Variants in TBC1D14 observed in about 807,000 individuals in gnomAD.
TBC1D14 encodes the protein TBC1 domain family member 14.
A neutral mutation model predicts 79.0 loss-of-function variants in TBC1D14; 26 were observed. The ratio of observed to expected loss-of-function variants is 0.33; its 90% confidence interval spans 0.24 to 0.46. The LOEUF (loss-of-function observed/expected upper bound fraction) is 0.46. Ranked by LOEUF, TBC1D14 falls within the 20% of genes least tolerant of loss-of-function variation. The pLI is 1.00. For synonymous variants in TBC1D14, 394 were observed against 349.9 expected, an observed-to-expected ratio of 1.13 and a Z score of -1.40; for missense variants, 769 against 887.6, an observed-to-expected ratio of 0.87 and a Z score of 1.70.
intron 12 of TBC1D14, among the ~76,000 whole-genome samples, chr4:7,019,899 G>A (rs1240176411): frequency 2.2e-5 from 2 of 89,804 alleles, no homozygotes; most frequent in South Asian, 4.9e-4. Context: ...ACAGAGGTGG[G>A]TATGTGAACC....
At position 6,923,672 on chromosome 4, in the gene TBC1D14, C is replaced by T; in HGVS notation, c.283C>T (p.Leu95Phe). 1.2e-6 allele frequency: 2 copies of T among 1,613,822 alleles called. No individual in the cohort carries two copies. Among genetic ancestry groups the T allele is most frequent in the Non-Finnish European group, 1.7e-6 (2 of 1,180,030 alleles). ...HVRRKQSDSD[L>F]IPERAFQSAC... is the part of the protein sequence containing the mutation. ...GAGGAGGAAGCAGTCCGACTCCGAC[C>T]TCATCCCCGAGCGGGCCTTCCAGAG... Residue 95 changes from leucine to phenylalanine, a missense_variant, in exon 2 of 14, where the codon CTC becomes TTC. Around this residue, in one of 2 missense-constraint regions of TBC1D14, gnomAD observed 402 missense variants for 393.2 expected, o/e 1.02. Transcript: ENST00000409757.
At chr4:6,960,203 T>C (rs1292069912) in intron 2 of TBC1D14, among the ~76,000 whole-genome samples, 2 of 151,342 alleles carry the variant, frequency 1.3e-5, no homozygotes, top group Non-Finnish European at 2.9e-5. Context: ...CACCTTAGTC[T>C]ACCAAGTAGC....
intron 2 of TBC1D14, among the ~76,000 whole-genome samples, chr4:6,929,886 G>A (rs904175078): frequency 6.6e-6 from 1 of 152,212 alleles, no homozygotes; most frequent in African/African-American, 2.4e-5. Context: ...GCATTTCACA[G>A]CTCACTGGAG....
At chr4:6,937,366 G>A (rs1220217293) in intron 2 of TBC1D14, among the ~76,000 whole-genome samples, 1 of 152,158 alleles carries the variant, frequency 6.6e-6, no homozygotes, top group African/African-American at 2.4e-5. Context: ...TTTTTTATAA[G>A]GGCACTAATC....
At chr4:7,007,176 G>A (rs1720285721) in intron 9 of TBC1D14, among the ~76,000 whole-genome samples, 1 of 152,216 alleles carries the variant, frequency 6.6e-6, no homozygotes, top group Admixed American at 6.5e-5. Context: ...GGCAGCCTGG[G>A]TGGGTGGCCA....
At chr4:6,990,629 A>T (rs1360851221) in intron 3 of TBC1D14, among the ~76,000 whole-genome samples, 1 of 152,188 alleles carries the variant, frequency 6.6e-6, no homozygotes, top group Non-Finnish European at 1.5e-5. Context: ...CTTGGGAATG[A>T]TGAGTTGGAC....
At chr4:6,956,718 G>C (rs192508300) in intron 2 of TBC1D14, among the ~76,000 whole-genome samples, 2 of 152,366 alleles carry the variant, frequency 1.3e-5, no homozygotes, top group African/African-American at 4.8e-5. Context: ...TCACTTCTCA[G>C]CCAATGCAGG....
chr4:7,023,742 C>T (rs941728813), intron 12 of TBC1D14, among the ~76,000 whole-genome samples: 13 of 152,156 alleles, frequency 8.5e-5, no homozygotes, highest in African/African-American at 1.9e-4. Flanking sequence ...TCCTGAGGCG[C>T]GGTTCTGTCA....
At chr4:6,973,517 A>G (rs1011611443) in intron 3 of TBC1D14, among the ~76,000 whole-genome samples, 1 of 152,206 alleles carries the variant, frequency 6.6e-6, no homozygotes, top group Admixed American at 6.5e-5. Context: ...GTGTCACCCA[A>G]TGAATGCAGA....
At position 7,025,126 on chromosome 4, in the gene TBC1D14, A is replaced by G; in HGVS notation, c.1880A>G (p.Glu627Gly). Residue 627 changes from glutamate (E) to glycine (G), a missense_variant, in exon 13 of 14, where the codon GAG becomes GGG. Physicochemically the swap from Glu to Gly is moderately conservative, Grantham distance 98. Transcript: ENST00000409757. ...GCCCTGGGCATCCTGAAGCTGTTCG[A>G]GGACATCCTGACCAAGATGGACTTC... Reference protein sequence around the residue: ...RTALGILKLFEDILTKMDFIH... With the variant: ...RTALGILKLFGDILTKMDFIH... 6.2e-7 allele frequency: 1 copy of G among 1,614,232 alleles called. No homozygotes were observed. Among genetic ancestry groups the G allele is most frequent in the South Asian group, 1.1e-5 (1 of 91,088 alleles).
At chr4:6,985,553 A>G (rs1717745330) in intron 3 of TBC1D14, among the ~76,000 whole-genome samples, 1 of 152,338 alleles carries the variant, frequency 6.6e-6, no homozygotes, top group African/African-American at 2.4e-5. Context: ...CTAGAGTAAG[A>G]TGGCTAGGTT....
intron 5 of TBC1D14, among the ~76,000 whole-genome samples, chr4:6,997,633 AAT>A (rs1201534940): frequency 4.6e-5 from 7 of 152,346 alleles, no homozygotes; most frequent in African/African-American, 1.7e-4. Context: ...CTCAAAAAAA[AAT>A]AATAAAAATA....
intron 2 of TBC1D14, among the ~76,000 whole-genome samples, chr4:6,930,545 C>G (rs1455341602): frequency 6.6e-6 from 1 of 152,214 alleles, no homozygotes; most frequent in East Asian, 1.9e-4. Flanking sequence ...CGCCTGTAAT[C>G]CCAGCACTTT....
intron 1 of TBC1D14, among the ~76,000 whole-genome samples, chr4:6,917,738 T>C (rs1373572788): frequency 2.0e-5 from 3 of 152,192 alleles, no homozygotes; most frequent in Non-Finnish European, 4.4e-5. Flanking sequence ...CCATCTGCAG[T>C]TGGTCGGTCT....
intron 2 of TBC1D14, among the ~76,000 whole-genome samples, chr4:6,936,784 C>T (rs762252756): frequency 2.0e-5 from 3 of 152,200 alleles, no homozygotes; most frequent in Admixed American, 6.5e-5. Context: ...TCCTCCCCAG[C>T]GTTTGCTGTT....
In TBC1D14 at chr4:7,004,557, A is replaced by G. The variant is rs190060576; in HGVS notation, c.1271-287A>G. Among the ~76,000 whole-genome samples, 267 of 152,350 alleles carry G rather than the reference A, an allele frequency of 1.8e-3. 1 individual carries two copies. The highest frequency in any genetic ancestry group is 6.3e-3 in the African/African-American group (260 of 41,576). On this transcript the variant is annotated intron_variant, in intron 7 of 13. Coordinates refer to ENST00000409757, the MANE Select transcript of TBC1D14 (RefSeq NM_020773.3). ...AGGGATCTTGCGGTCTGGGAGAGGC[A>G]GTAGACAAGTCACAAAGACCAAAAC... is the stretch of plus-strand genomic sequence containing the variant.
intron 3 of TBC1D14, among the ~76,000 whole-genome samples, chr4:6,991,263 A>T (rs1273258539): frequency 6.6e-6 from 1 of 152,224 alleles, no homozygotes; most frequent in Non-Finnish European, 1.5e-5. Flanking sequence ...TGTGAAAACT[A>T]CTGAGACTGA....
intron 1 of TBC1D14, among the ~76,000 whole-genome samples, chr4:6,912,762 T>C (rs1723105923): frequency 6.6e-6 from 1 of 152,174 alleles, no homozygotes; most frequent in Non-Finnish European, 1.5e-5. Flanking sequence ...TTTAAGGGCT[T>C]TATGTGGATT....
At chr4:6,996,062 T>G (rs1719011126) in intron 4 of TBC1D14, among the ~76,000 whole-genome samples, 1 of 151,732 alleles carries the variant, frequency 6.6e-6, no homozygotes, top group Non-Finnish European at 1.5e-5. Context: ...GGTCTCGACC[T>G]CCTGACCTCG....
Sources: allele counts gnomAD v4.1 joint callset (sites outside exome capture counted in the v4.1 genomes callset), GRCh38; gene constraint gnomAD v4.1.1; regional missense constraint gnomAD v4.1.1; transcripts MANE v1.5; gene names NCBI Gene and HGNC (gene_info 2026-07-23, HGNC 2026-07-21).